Variants in TOX observed in about 807,000 individuals in gnomAD.
TOX encodes thymocyte selection-associated high mobility group box protein TOX.
TOX carries 11 observed loss-of-function variants against 53.7 expected under a neutral mutation model. The ratio of observed to expected loss-of-function variants is 0.20; its 90% CI spans 0.13 to 0.34. The LOEUF (loss-of-function observed/expected upper bound fraction) is 0.34. Among genes scored for constraint, TOX ranks in the 10% least tolerant of loss-of-function variants. The pLI, the probability that TOX is intolerant of heterozygous loss-of-function variation, is 1.00. For synonymous variants in TOX, 225 were observed against 245.3 expected (o/e 0.92, Z 0.77); for missense variants, 570 against 664.6 (o/e 0.86, Z 1.56).
At chr8:58,854,172 T>A (rs1810872394) in intron 3 of TOX, among the ~76,000 whole-genome samples, 1 of 152,226 alleles carries the variant, frequency 6.6e-6, no homozygotes, top group Admixed American at 6.5e-5. Context: ...TTCAACTAAA[T>A]GATCTTTCCA....
intron 1 of TOX, among the ~76,000 whole-genome samples, chr8:59,081,669 G>A (rs1275423843): frequency 6.6e-6 from 1 of 152,218 alleles, no homozygotes; most frequent in Non-Finnish European, 1.5e-5. Flanking sequence ...TATTGATCAT[G>A]TTACTTGGGA....
intron 1 of TOX, among the ~76,000 whole-genome samples, chr8:59,090,388 A>T (rs764456647): frequency 6.6e-6 from 1 of 152,210 alleles, no homozygotes. Flanking sequence ...CCAATGCAGG[A>T]TATGACCAAG....
At chr8:58,810,754 A>G (rs1447329483) in intron 7 of TOX, among the ~76,000 whole-genome samples, 3 of 152,118 alleles carry the variant, frequency 2.0e-5, no homozygotes, top group Non-Finnish European at 4.4e-5. Flanking sequence ...GACAGCGTGG[A>G]AACATATGAA....
chr8:58,837,970 T>C lies in TOX; in HGVS notation c.924+111A>G, dbSNP rs998225546. On this transcript the variant is annotated intron_variant, in intron 5 of 8. Coordinates refer to ENST00000361421, the MANE Select transcript of TOX (RefSeq NM_014729.3). Reference sequence around the variant, plus strand: ...GTCTGGTTCGGATGGGGACACCTTCTCAGCGTCTGTTCTGGGATCTAAAGA... The same window carrying C: ...GTCTGGTTCGGATGGGGACACCTTCCCAGCGTCTGTTCTGGGATCTAAAGA... The C allele has an allele frequency of 1.6e-5, 15 of 964,614 alleles. No homozygotes were observed. In the Middle Eastern group the frequency reaches 1.1e-3, roughly 71 times the overall value. The allele number at this position is 964,614 out of a possible 1,614,324, so 59.8% of individuals were successfully genotyped here.
chr8:58,853,168 A>G (rs1810854848), intron 3 of TOX, among the ~76,000 whole-genome samples: 2 of 152,078 alleles, frequency 1.3e-5, no homozygotes, highest in Admixed American at 6.5e-5. Flanking sequence ...TCACTCCTTT[A>G]GCTCCTTTCC....
In TOX at chr8:59,058,875, A is replaced by G. The variant is rs1413094684; in HGVS notation, c.102+60011T>C. Among the ~76,000 whole-genome samples the G allele has an allele frequency of 3.9e-5, 6 of 152,338 alleles. 1 individual carries two copies. In the South Asian group the frequency reaches 6.2e-4, roughly 16 times the overall value. ...TATTAAAAGGTCAGAGTTTCTCTCA[A>G]TGAAGAAAGTTAACACAGCCCAGGG... On this transcript the variant is annotated intron_variant, in intron 1 of 8. Coordinates refer to ENST00000361421, the MANE Select transcript of TOX (RefSeq NM_014729.3).
chr8:58,993,795 A>C (rs1387108894), intron 1 of TOX, among the ~76,000 whole-genome samples: 1 of 152,130 alleles, frequency 6.6e-6, no homozygotes, highest in African/African-American at 2.4e-5. Context: ...TATGGATTGC[A>C]TTCTCAGTTT....
In TOX at chr8:59,118,195, G is replaced by C. The variant is rs946219037; in HGVS notation, c.102+691C>G. On this transcript the variant is annotated intron_variant, in intron 1 of 8. Transcript: ENST00000361421. This position sits in a 1 kb window ranked among gnomAD's most constrained non-coding sequence, Gnocchi z 4.1. ...CGGGAGCTTTGGACTTGAACGCGAC[G>C]TGCTCGCCCGGCTCCCAACAAACTT... Among the ~76,000 whole-genome samples the C allele has an allele frequency of 7.9e-5, 12 of 152,202 alleles. No homozygotes were observed. The highest frequency in any genetic ancestry group is 1.5e-4 in the Non-Finnish European group (10 of 68,040).
At chr8:58,993,822 C>A (rs941951982) in intron 1 of TOX, among the ~76,000 whole-genome samples, 1 of 151,956 alleles carries the variant, frequency 6.6e-6, no homozygotes, top group Non-Finnish European at 1.5e-5. Flanking sequence ...GAGGTTCTGG[C>A]AATTCCATCA....
intron 1 of TOX, among the ~76,000 whole-genome samples, chr8:59,025,121 C>T (rs965794742): frequency 2.6e-5 from 4 of 152,112 alleles, no homozygotes; most frequent in Non-Finnish European, 4.4e-5. Context: ...CAGGCTTCAG[C>T]CCTGACAGCC....
intron 1 of TOX, among the ~76,000 whole-genome samples, chr8:59,003,547 C>T (rs1007316783): frequency 1.3e-5 from 2 of 151,856 alleles, no homozygotes; most frequent in African/African-American, 2.4e-5. Context: ...CAGTGAAAGA[C>T]GGGGGGAAAA....
intron 2 of TOX, among the ~76,000 whole-genome samples, chr8:58,949,834 T>A (rs1000905502): frequency 6.6e-6 from 1 of 150,768 alleles, no homozygotes; most frequent in African/African-American, 2.4e-5. Flanking sequence ...GTATATAAAA[T>A]ATATATATTT....
intron 1 of TOX, among the ~76,000 whole-genome samples, chr8:59,115,598 G>A (rs1328707666): frequency 1.3e-5 from 2 of 151,406 alleles, no homozygotes; most frequent in Admixed American, 6.6e-5. Context: ...ACTCCACTAT[G>A]GTACTCATCT....
chr8:58,822,242 T>A (rs901193066), intron 6 of TOX, among the ~76,000 whole-genome samples: 1 of 152,250 alleles, frequency 6.6e-6, no homozygotes, highest in African/African-American at 2.4e-5. Context: ...CTATGTCTAA[T>A]GCCAATGTGG....
chr8:58,860,823 C>G (rs1312347236), intron 3 of TOX, among the ~76,000 whole-genome samples: 1 of 152,186 alleles, frequency 6.6e-6, no homozygotes, highest in Non-Finnish European at 1.5e-5. Context: ...CTGGTAGATA[C>G]AAAGTTCAAA....
intron 5 of TOX, among the ~76,000 whole-genome samples, chr8:58,836,864 C>A (rs1278267046): frequency 6.6e-6 from 1 of 152,156 alleles, no homozygotes; most frequent in African/African-American, 2.4e-5. Flanking sequence ...TCTGTTCTAT[C>A]CTCAGTGCCC....
At position 58,863,683 on chromosome 8, in the gene TOX, G is replaced by A. The variant is rs573121124; in HGVS notation, c.412-11878C>T. On this transcript the variant is annotated intron_variant, in intron 3 of 8. Transcript: ENST00000361421. ...TAGGGGAGGATGCAGCTAGAACCTA[G>A]AATGACTGAATTTAATGCACTAATT... Among the ~76,000 whole-genome samples, 7 of 152,254 alleles carry A rather than the reference G, an allele frequency of 4.6e-5. No homozygotes were observed. The South Asian group carries it at 1.5e-3, about 32-fold the overall frequency.
chr8:59,085,387 C>T (rs528950962), intron 1 of TOX, among the ~76,000 whole-genome samples: 54 of 129,222 alleles, frequency 4.2e-4, no homozygotes, highest in Non-Finnish European at 3.0e-5. Flanking sequence ...TTTCTTTTTC[C>T]TTTTTTATTT....
chr8:59,081,323 G>A lies in TOX; in HGVS notation c.102+37563C>T, dbSNP rs1804404132. Among the ~76,000 whole-genome samples the A allele has an allele frequency of 2.0e-5, 3 of 152,094 alleles. No individual in the cohort carries two copies. In the South Asian group the frequency reaches 6.2e-4, roughly 32 times the overall value. On this transcript the variant is annotated intron_variant, in intron 1 of 8. Coordinates refer to ENST00000361421, the MANE Select transcript of TOX (RefSeq NM_014729.3). ...ATTACAGGAGTCAGCTGCTGTGCCGGGCCAGGGAAGGTGTTAAAATGAGAG... is the reference window on the plus strand; with the variant it reads ...ATTACAGGAGTCAGCTGCTGTGCCGAGCCAGGGAAGGTGTTAAAATGAGAG...
Sources: allele counts gnomAD v4.1 joint callset (sites outside exome capture counted in the v4.1 genomes callset), GRCh38; gene constraint gnomAD v4.1.1; non-coding constraint Gnocchi (gnomAD v3.1); transcripts MANE v1.5; gene names NCBI Gene and HGNC (gene_info 2026-07-23, HGNC 2026-07-21).